The following AHSA1 variants were observed in gnomAD, a reference collection of about 807,000 sequenced individuals.
The protein encoded by AHSA1 is activator of 90 kDa heat shock protein ATPase homolog 1.
A neutral mutation model predicts 46.1 loss-of-function variants in AHSA1; 14 were observed. The observed-to-expected ratio is 0.30, with a 90% CI of 0.20 to 0.47. AHSA1 has a LOEUF of 0.47. Ranked by LOEUF, AHSA1 falls within the 20% of genes least tolerant of loss-of-function variation. The pLI, the probability that AHSA1 is intolerant of heterozygous loss-of-function variation, is 0.99. For missense variants in AHSA1, 333 were observed against 415.9 expected (o/e 0.80, Z 1.73); for synonymous variants, 147 against 145.8 (o/e 1.01, Z -0.06).
At position 77,469,174 on chromosome 14, in the gene AHSA1, G is replaced by A. The variant is rs1191925391; in HGVS notation, c.942G>A (p.Arg314=). 8 of 1,614,100 alleles carry A rather than the reference G, an allele frequency of 5.0e-6. No individual in the cohort carries two copies. The highest frequency in any genetic ancestry group is 6.8e-6 in the Non-Finnish European group (8 of 1,180,024). ...GCATCCCTGCTCCTGAGGAAGAGCG[G>A]ACGCGACAGGGCTGGCAGCGGTACT... The part of the protein sequence containing the change: ...GRGIPAPEEE[R]TRQGWQRYYF... Residue 314 remains arginine, a synonymous_variant, in exon 9 of 9, where the codon CGG becomes CGA. Transcript: ENST00000216479.
chr14:77,459,548 A>G, intron 1 of AHSA1, 68 bp from the exon 2 acceptor site: 3 of 1,527,990 alleles, frequency 2.0e-6, no homozygotes, highest in Non-Finnish European at 1.8e-6. Flanking sequence ...TTAACCTCGT[A>G]TTCTCTTGCA....
chr14:77,469,258 G>T lies in AHSA1; in HGVS notation c.*9G>T, dbSNP rs1240376002. 2 of 1,613,176 alleles carry T rather than the reference G, an allele frequency of 1.2e-6. No individual in the cohort carries two copies. Among genetic ancestry groups the T allele is most frequent in the Non-Finnish European group, 1.7e-6 (2 of 1,179,386 alleles). ...GCGCACGCTTATTTTAGGGCCAGCG[G>T]CAGGGGACTCCAGCCTGCTGGACAC... On this transcript the variant is annotated 3_prime_UTR_variant, in exon 9 of 9. Transcript: ENST00000216479.
chr14:77,469,203 T>A lies in AHSA1; in HGVS notation c.971T>A (p.Phe324Tyr). 1 of 1,613,718 alleles carries A rather than the reference T, an allele frequency of 6.2e-7. No homozygotes were observed. The highest frequency in any genetic ancestry group is 8.5e-7 in the Non-Finnish European group (1 of 1,179,884). Residue 324 changes from phenylalanine to tyrosine, a missense_variant, in exon 9 of 9, where the codon TTT becomes TAT. Physicochemically the swap from Phe to Tyr is conservative, Grantham distance 22. Coordinates refer to ENST00000216479, the MANE Select transcript of AHSA1 (RefSeq NM_012111.3). Reference protein sequence around the residue: ...RTRQGWQRYYFEGIKQTFGYG... With the variant: ...RTRQGWQRYYYEGIKQTFGYG... ...CGACAGGGCTGGCAGCGGTACTACT[T>A]TGAGGGCATTAAACAGACCTTTGGC...
intron 8 of AHSA1, chr14:77,468,857 C>T: frequency 1.6e-6 from 1 of 633,356 alleles, no homozygotes; most frequent in South Asian, 1.9e-5. Flanking sequence ...GCTGGGATTA[C>T]AGGTGCATGC....
In AHSA1 at chr14:77,465,770, C is replaced by T. The variant is rs1594940552; in HGVS notation, c.690+103C>T. 13 of 1,196,056 alleles carry T rather than the reference C, an allele frequency of 1.1e-5. No homozygotes were observed. In the East Asian group the frequency reaches 3.1e-4, roughly 29 times the overall value. The allele number at this position is 1,196,056 out of a possible 1,614,324, so 74.1% of individuals were successfully genotyped here. ...AGTGTACAGAAGAGGTACTCACAAA[C>T]TCACAACTGGAGCCATGAGGCCTTC... is the stretch of plus-strand genomic sequence containing the variant. On this transcript the variant is annotated intron_variant, in intron 6 of 8. Coordinates refer to ENST00000216479, the MANE Select transcript of AHSA1 (RefSeq NM_012111.3).
chr14:77,467,127 A>T (rs2079050776), intron 6 of AHSA1, among the ~76,000 whole-genome samples: 1 of 152,240 alleles, frequency 6.6e-6, no homozygotes, highest in Non-Finnish European at 1.5e-5. Context: ...GGCCAGGCAC[A>T]GTGGCTTACA....
At chr14:77,461,275 A>G (rs995732628) in intron 2 of AHSA1, among the ~76,000 whole-genome samples, 3 of 152,320 alleles carry the variant, frequency 2.0e-5, no homozygotes, top group Admixed American at 6.5e-5. Context: ...TCACGCCTGT[A>G]ATCTCAGCAC....
chr14:77,468,074 T>TTTA lies in AHSA1; in HGVS notation c.691-9_691-8insTTA. On this transcript the variant is annotated splice_polypyrimidine_tract_variant and intron_variant, in intron 6 of 8. Transcript: ENST00000216479. ...CTCTTTTTTTTTTTTTTTTTTTTTT[T>TTTA]CCCTGCAGCTGGTGCAGGCCTTTAC... 5.4e-6 allele frequency: 7 copies of TTTA among 1,303,036 alleles called. No homozygotes were observed. The highest frequency in any genetic ancestry group is 7.2e-6 in the Non-Finnish European group (7 of 968,936). 80.7% of individuals were successfully genotyped at this position (1,303,036 alleles called of 1,614,324 possible).
Position 77,460,675 on chromosome 14 carries a change from C to A in AHSA1, c.271+869C>A, listed in dbSNP as rs114789985. 3.2e-3 allele frequency among the ~76,000 whole-genome samples: 480 copies of A among 151,592 alleles called. 2 individuals carry two copies. Among genetic ancestry groups the A allele is most frequent in the African/African-American group, 0.011 (462 of 41,294 alleles). On this transcript the variant is annotated intron_variant, in intron 2 of 8. Coordinates refer to ENST00000216479, the MANE Select transcript of AHSA1 (RefSeq NM_012111.3). ...CCACTTCCCGGGTTTAACCAGTTCT[C>A]CTGCCTCAGCCTCCCAAGTAGGATT... is the stretch of plus-strand genomic sequence containing the variant.
intron 4 of AHSA1, 161 bp from the exon 5 acceptor site, chr14:77,464,437 G>A: frequency 1.6e-6 from 1 of 632,428 alleles, no homozygotes. Context: ...CCAGGTACCA[G>A]TCTGGCATAG....
chr14:77,463,172 C>A, intron 4 of AHSA1: 1 of 200,722 alleles, frequency 5.0e-6, no homozygotes, highest in Non-Finnish European at 1.0e-5. Flanking sequence ...CCCAGCTACT[C>A]GGGAGGCTGA....
chr14:77,467,475 C>T (rs1199859320), intron 6 of AHSA1, among the ~76,000 whole-genome samples: 1 of 150,884 alleles, frequency 6.6e-6, no homozygotes, highest in Admixed American at 6.6e-5. Flanking sequence ...GGGTGGATCA[C>T]GAGGTCAGGA....
At chr14:77,459,186 T>C (rs2079007721) in intron 1 of AHSA1, among the ~76,000 whole-genome samples, 1 of 152,180 alleles carries the variant, frequency 6.6e-6, no homozygotes, top group African/African-American at 2.4e-5. Context: ...ATCTGATAGG[T>C]CAGAACACCG....
chr14:77,468,291 T>C, intron 7 of AHSA1, 107 bp downstream of exon 7: 1 of 1,103,234 alleles, frequency 9.1e-7, no homozygotes, highest in Non-Finnish European at 1.3e-6. Context: ...AATCTCTTTG[T>C]TAATAAAACA....
intron 3 of AHSA1, 183 bp downstream of exon 3, chr14:77,462,425 A>C (rs2079029748): frequency 8.3e-6 from 6 of 721,188 alleles, no homozygotes; most frequent in South Asian, 3.7e-5. Context: ...GCACTTCTTT[A>C]ATTTCTTCAC....
rs147537664 is a variant in AHSA1, at chr14:77,459,691, A to C, written c.156A>C (p.Glu52Asp). The change falls in exon 2 of 9, where the codon GAA becomes GAC. Residue 52 changes from glutamate (E) to aspartate (D), a missense_variant. Coordinates refer to ENST00000216479, the MANE Select transcript of AHSA1 (RefSeq NM_012111.3). Reference sequence around the variant, plus strand: ...TCCTGGCAGTGCAGGTTCAAAATGAAGAAGGCAAGTGTGAGGTGACGGAAG... The same window carrying C: ...TCCTGGCAGTGCAGGTTCAAAATGACGAAGGCAAGTGTGAGGTGACGGAAG... ...TLFLAVQVQN[E>D]EGKCEVTEVS... The C allele has an allele frequency of 7.4e-6, 12 of 1,614,218 alleles. No individual in the cohort carries two copies. Among genetic ancestry groups the C allele is most frequent in the Non-Finnish European group, 1.0e-5 (12 of 1,180,034 alleles).
chr14:77,469,055 C>T (rs758876278), intron 8 of AHSA1, 22 bp from the exon 9 acceptor site: 2 of 1,612,604 alleles, frequency 1.2e-6, no homozygotes, highest in Non-Finnish European at 1.7e-6. Flanking sequence ...TATGAAACCT[C>T]CGTCCCCTCT....
intron 6 of AHSA1, among the ~76,000 whole-genome samples, chr14:77,467,332 G>C (rs914441713): frequency 1.3e-5 from 2 of 152,062 alleles, no homozygotes; most frequent in Non-Finnish European, 2.9e-5. Context: ...TTAGGAGGTC[G>C]GGGCTGCAGT....
chr14:77,459,685 A>T lies in AHSA1; in HGVS notation c.150A>T (p.Gln50His). The T allele has an allele frequency of 6.2e-7, 1 of 1,614,246 alleles. No individual in the cohort carries two copies. The highest frequency in any genetic ancestry group is 8.5e-7 in the Non-Finnish European group (1 of 1,180,036). ...CACTGTTCCTGGCAGTGCAGGTTCA[A>T]AATGAAGAAGGCAAGTGTGAGGTGA... is the stretch of plus-strand genomic sequence containing the variant. Reference protein sequence around the residue: ...LKTLFLAVQVQNEEGKCEVTE... With the variant: ...LKTLFLAVQVHNEEGKCEVTE... The change falls in exon 2 of 9, where the codon CAA (glutamine) becomes CAT (histidine). Residue 50 changes from glutamine to histidine, a missense_variant. Transcript: ENST00000216479.
Sources: gnomAD v4.1 joint callset for allele counts (sites outside exome capture counted in the v4.1 genomes callset) on GRCh38, gnomAD v4.1.1 for gene constraint, MANE v1.5 for transcripts, NCBI Gene and HGNC (gene_info 2026-07-23, HGNC 2026-07-21) for gene names.